Variants in GRM7 observed in about 807,000 individuals in gnomAD.
GRM7 encodes glutamate metabotropic receptor 7.
Under a neutral mutation model 84.5 loss-of-function variants are expected in GRM7, and 35 were observed. The observed-to-expected ratio is 0.41, with a 90% CI of 0.32 to 0.55. The LOEUF (loss-of-function observed/expected upper bound fraction) is 0.55. GRM7 is among the 20% of genes least tolerant of loss of function. The probability of loss-of-function intolerance (pLI) is 0.19; values close to 1 mark genes in which losing one functional copy is unlikely to be tolerated. For missense variants in GRM7, 1,003 were observed against 1,194.6 expected, an observed-to-expected ratio of 0.84 and a Z score of 2.36; for synonymous variants, 487 against 455.1, an observed-to-expected ratio of 1.07 and a Z score of -0.89.
intron 5 of GRM7, among the ~76,000 whole-genome samples, chr3:7,431,491 C>T (rs1696828351): frequency 1.3e-5 from 2 of 152,270 alleles, no homozygotes; most frequent in South Asian, 2.1e-4. Context: ...TTCTGAACGG[C>T]ATACGCTGTA....
chr3:7,160,787 T>C (rs1476505522), intron 2 of GRM7, among the ~76,000 whole-genome samples: 2 of 152,120 alleles, frequency 1.3e-5, no homozygotes, highest in African/African-American at 4.8e-5. Context: ...TCCCTGGTTA[T>C]ATGTTCCCAT....
chr3:7,549,580 A>G (rs1338281338), intron 7 of GRM7, among the ~76,000 whole-genome samples: 2 of 152,158 alleles, frequency 1.3e-5, no homozygotes, highest in Non-Finnish European at 2.9e-5. Context: ...GACTTGGAAG[A>G]TTTTCCCAAA....
chr3:7,267,600 G>GAGT (rs1183679876), intron 2 of GRM7, among the ~76,000 whole-genome samples: 7 of 152,340 alleles, frequency 4.6e-5, no homozygotes, highest in African/African-American at 1.7e-4. Flanking sequence ...TCACTGAGAT[G>GAGT]AGTATAACCA....
chr3:6,887,950 G>T (rs1174580325), intron 1 of GRM7, among the ~76,000 whole-genome samples: 2 of 152,200 alleles, frequency 1.3e-5, no homozygotes, highest in Non-Finnish European at 2.9e-5. Context: ...GTATCTCATT[G>T]TGGTTTTGGT....
intron 2 of GRM7, among the ~76,000 whole-genome samples, chr3:7,271,092 A>C (rs555340347): frequency 2.0e-5 from 3 of 152,364 alleles, no homozygotes; most frequent in Middle Eastern, 3.4e-3. Context: ...ATGCGAAGGC[A>C]GTATGTATGG....
intron 4 of GRM7, among the ~76,000 whole-genome samples, chr3:7,355,110 A>G (rs1002493431): frequency 2.6e-5 from 4 of 152,146 alleles, no homozygotes; most frequent in African/African-American, 9.6e-5. Flanking sequence ...CAGGCTAAAA[A>G]TCAGGGGTTT....
chr3:7,015,480 C>T (rs1036754254), intron 1 of GRM7, among the ~76,000 whole-genome samples: 21 of 152,280 alleles, frequency 1.4e-4, no homozygotes, highest in African/African-American at 4.1e-4. Context: ...AAGTAAATAA[C>T]GCACTAGTCA....
At chr3:7,371,214 G>T (rs112694876) in intron 4 of GRM7, among the ~76,000 whole-genome samples, 2,088 of 152,254 alleles carry the variant, frequency 0.014, 23 homozygotes, top group Non-Finnish European at 0.022. Flanking sequence ...GAAAAGTGTT[G>T]TAGCCGTGGC....
intron 8 of GRM7, among the ~76,000 whole-genome samples, chr3:7,676,606 C>T (rs1700133019): frequency 6.6e-6 from 1 of 152,034 alleles, no homozygotes; most frequent in Non-Finnish European, 1.5e-5. Context: ...TTACAGGCAC[C>T]CGCCACCACA....
At chr3:7,215,461 T>C (rs527476187) in intron 2 of GRM7, among the ~76,000 whole-genome samples, 1 of 151,932 alleles carries the variant, frequency 6.6e-6, no homozygotes, top group Non-Finnish European at 1.5e-5. Flanking sequence ...TCAGAAGATC[T>C]AGACCACCCT....
chr3:7,152,654 C>G (rs1023549553), intron 2 of GRM7, among the ~76,000 whole-genome samples: 2 of 152,158 alleles, frequency 1.3e-5, no homozygotes, highest in African/African-American at 4.8e-5. Context: ...AAACATGACA[C>G]CTTGGAGAAA....
intron 1 of GRM7, among the ~76,000 whole-genome samples, chr3:6,941,483 G>A (rs1451130310): frequency 6.6e-6 from 1 of 152,138 alleles, no homozygotes; most frequent in African/African-American, 2.4e-5. Flanking sequence ...TAGTCAGAAA[G>A]GTTTATGAAG....
Position 7,686,436 on chromosome 3 carries a change from T to A in GRM7, c.2698+6141T>A, listed in dbSNP as rs550797977. 1.2e-5 allele frequency: 17 copies of A among 1,469,434 alleles called. No homozygotes were observed. In the African/African-American group the frequency reaches 2.1e-4, roughly 18 times the overall value. 91.0% of individuals were successfully genotyped at this position (1,469,434 alleles called of 1,614,324 possible). A position where few individuals can be genotyped will look rare whatever the true frequency, so the allele number is the denominator to read the frequency against. On this transcript the variant is annotated intron_variant, in intron 9 of 9. Coordinates refer to ENST00000357716, the MANE Select transcript of GRM7 (RefSeq NM_000844.4). ...TCCCACCAACAGTATAGCTTTTGAC[T>A]GCTTTCCCAAAGGTAAGAAAACAAT...
chr3:6,908,261 A>G (rs1259799974), intron 1 of GRM7, among the ~76,000 whole-genome samples: 2 of 152,214 alleles, frequency 1.3e-5, no homozygotes, highest in East Asian at 1.9e-4. Context: ...TGTTTCCAAG[A>G]CAACAATCTG....
At chr3:7,114,645 G>T (rs936075158) in intron 1 of GRM7, among the ~76,000 whole-genome samples, 6 of 152,072 alleles carry the variant, frequency 3.9e-5, no homozygotes, top group African/African-American at 1.4e-4. Context: ...TTTCCTCTGC[G>T]TACCTGGTTC....
intron 8 of GRM7, among the ~76,000 whole-genome samples, chr3:7,613,331 C>G (rs1696932351): frequency 6.6e-6 from 1 of 152,158 alleles, no homozygotes; most frequent in African/African-American, 2.4e-5. Context: ...TTCAAAATTC[C>G]AGCCCTAACG....
intron 8 of GRM7, among the ~76,000 whole-genome samples, chr3:7,647,660 G>A (rs1698712691): frequency 6.6e-6 from 1 of 152,166 alleles, no homozygotes; most frequent in Non-Finnish European, 1.5e-5. Context: ...ACCACTAGGA[G>A]TCTTCTAGGT....
At chr3:7,426,867 T>C (rs1182535476) in intron 5 of GRM7, among the ~76,000 whole-genome samples, 1 of 152,176 alleles carries the variant, frequency 6.6e-6, no homozygotes, top group Non-Finnish European at 1.5e-5. Context: ...AATTTTACTT[T>C]CCAGGCTTAA....
intron 7 of GRM7, among the ~76,000 whole-genome samples, chr3:7,497,005 A>G (rs1699726747): frequency 6.6e-6 from 1 of 151,644 alleles, no homozygotes; most frequent in African/African-American, 2.4e-5. Context: ...CTATTCTCAT[A>G]GATACTATAG....
Sources: gnomAD v4.1 joint callset for allele counts (sites outside exome capture counted in the v4.1 genomes callset) on GRCh38, gnomAD v4.1.1 for gene constraint, MANE v1.5 for transcripts, NCBI Gene and HGNC (gene_info 2026-07-23, HGNC 2026-07-21) for gene names.